Variants in ZKSCAN2 observed in about 807,000 individuals in gnomAD.
The protein encoded by ZKSCAN2 is zinc finger with KRAB and SCAN domains 2.
In ZKSCAN2, 38 loss-of-function variants were observed where a neutral mutation model predicts 90.5. That is an observed-to-expected ratio of 0.42 (90% CI 0.32 to 0.55). The LOEUF (loss-of-function observed/expected upper bound fraction) is 0.55. Ranked by LOEUF, ZKSCAN2 falls within the 20% of genes least tolerant of loss-of-function variation. The pLI is 0.11. For missense variants in ZKSCAN2, 1,167 were observed against 1,202.6 expected, an observed-to-expected ratio of 0.97 and a Z score of 0.44; for synonymous variants, 429 against 421.6, an observed-to-expected ratio of 1.02 and a Z score of -0.22.
At chr16:25,252,855 T>C (rs1308728016) in intron 3 of ZKSCAN2, 91 bp downstream of exon 3, 1 of 1,031,566 alleles carries the variant, frequency 9.7e-7, no homozygotes, top group Non-Finnish European at 1.5e-6. Flanking sequence ...GCAGAGGTGG[T>C]TGCAGTGAGC....
rs777968443 is a variant in ZKSCAN2, at chr16:25,237,374, T to C, written c.*2442A>G. The C allele has an allele frequency of 6.6e-5, 10 of 152,172 alleles. No individual in the cohort carries two copies. The highest frequency in any genetic ancestry group is 1.9e-4 in the African/African-American group (8 of 41,432). The allele number at this position is 152,172 out of a possible 1,614,324, so 9.4% of individuals were successfully genotyped here. A position where few individuals can be genotyped will look rare whatever the true frequency, so the allele number is the denominator to read the frequency against. On this transcript the variant is annotated 3_prime_UTR_variant, in exon 7 of 7. Transcript: ENST00000328086. Reference sequence around the variant, plus strand: ...GCCCATTTACAATTAGGAGTAGAGATAGGGGAACCCAAATTCCACCTCAGC... The same window carrying C: ...GCCCATTTACAATTAGGAGTAGAGACAGGGGAACCCAAATTCCACCTCAGC...
rs982879710 is a variant in ZKSCAN2, at chr16:25,239,238, C to T, written c.*578G>A. 6.7e-6 allele frequency: 1 copy of T among 149,294 alleles called. No individual in the cohort carries two copies. The highest frequency in any genetic ancestry group is 2.0e-4 in the East Asian group (1 of 5,076). 9.2% of individuals were successfully genotyped at this position (149,294 alleles called of 1,614,324 possible). A position where few individuals can be genotyped will look rare whatever the true frequency, so the allele number is the denominator to read the frequency against. ...TCAGTGACAATACAGGGATTCTGCC[C>T]TAGCTATTTGGATCAACTTCTTGAC... On this transcript the variant is annotated 3_prime_UTR_variant, in exon 7 of 7. Coordinates refer to ENST00000328086, the MANE Select transcript of ZKSCAN2 (RefSeq NM_001012981.5).
exon 1 of ZKSCAN2, chr16:25,257,833 CGCGGGGGGCGCTG>C (rs1458827527): frequency 6.7e-6 from 1 of 148,994 alleles, no homozygotes; most frequent in Non-Finnish European, 1.5e-5. Flanking sequence ...CCGCGGAGAG[CGCGGGGGGCGCTG>C]GGAACCGCAG....
intron 4 of ZKSCAN2, among the ~76,000 whole-genome samples, chr16:25,251,489 T>TTG (rs1041898140): frequency 6.6e-6 from 1 of 152,202 alleles, no homozygotes; most frequent in Non-Finnish European, 1.5e-5. Context: ...AAAGAGCTGT[T>TTG]AAGAACAGAA....
In ZKSCAN2 at chr16:25,255,206, C is replaced by G; in HGVS notation, c.586G>C (p.Ala196Pro). 6.3e-7 allele frequency: 1 copy of G among 1,599,072 alleles called. No individual in the cohort carries two copies. The highest frequency in any genetic ancestry group is 8.5e-7 in the Non-Finnish European group (1 of 1,175,116). ...KRERRPLPKN[A>P]RPSPWVPALA... is the part of the protein sequence containing the mutation. ...GCGTGCTCCGAGTCTTCCCTCTTAC[C>G]ATTCTTGGGTAAGGGCCGACGTTCT... The change falls in exon 2 of 7, where the codon GCT becomes CCT. Residue 196 changes from alanine to proline, a missense_variant and splice_region_variant. Ala to Pro is a conservative substitution (Grantham distance 27). Coordinates refer to ENST00000328086, the MANE Select transcript of ZKSCAN2 (RefSeq NM_001012981.5).
chr16:25,253,040 G>T lies in ZKSCAN2; in HGVS notation c.587-3C>A, dbSNP rs1567354257. On this transcript the variant is annotated splice_polypyrimidine_tract_variant and splice_region_variant and intron_variant, in intron 2 of 6. Coordinates refer to ENST00000328086, the MANE Select transcript of ZKSCAN2 (RefSeq NM_001012981.5). ...AGGAACCCAGGGAGAAGGCCGAGCT[G>T]TAAGAATAGAAAGAAACGATTAGTA... is the stretch of plus-strand genomic sequence containing the variant. 2 of 1,611,994 alleles carry T rather than the reference G, an allele frequency of 1.2e-6. No individual in the cohort carries two copies. Among genetic ancestry groups the T allele is most frequent in the African/African-American group, 1.3e-5 (1 of 75,024 alleles).
intron 2 of ZKSCAN2, among the ~76,000 whole-genome samples, chr16:25,253,651 T>C (rs770567620): frequency 3.9e-5 from 6 of 152,260 alleles, no homozygotes; most frequent in Non-Finnish European, 7.3e-5. Flanking sequence ...TGAGCACTAT[T>C]ATGCACTGGC....
intron 1 of ZKSCAN2, 102 bp from the exon 2 acceptor site, chr16:25,255,494 G>T: frequency 7.7e-7 from 1 of 1,306,574 alleles, no homozygotes; most frequent in Non-Finnish European, 1.0e-6. Flanking sequence ...ACATGAGAAG[G>T]AATGAAAATT....
intron 6 of ZKSCAN2, 47 bp from the exon 7 acceptor site, chr16:25,240,785 A>G (rs753286501): frequency 2.6e-6 from 4 of 1,520,514 alleles, no homozygotes; most frequent in Non-Finnish European, 3.6e-6. Flanking sequence ...TCTGATATTA[A>G]CCATAAACAA....
chr16:25,250,201 C>T (rs1227251537), intron 4 of ZKSCAN2, among the ~76,000 whole-genome samples: 3 of 151,620 alleles, frequency 2.0e-5, no homozygotes, highest in African/African-American at 4.8e-5. Flanking sequence ...TCCAGCTACT[C>T]GGGAGGCTGA....
Position 25,257,835 on chromosome 16 carries a change from C to CG in ZKSCAN2, c.-709dup, listed in dbSNP as rs896433729. On this transcript the variant is annotated 5_prime_UTR_variant, in exon 1 of 7. Coordinates refer to ENST00000328086, the MANE Select transcript of ZKSCAN2 (RefSeq NM_001012981.5). ...TCGTCCACTCGGCCCGCGGAGAGCG[C>CG]GGGGGGCGCTGGGAACCGCAGTCAC... is the stretch of plus-strand genomic sequence containing the variant. The CG allele has an allele frequency of 3.2e-3, 458 of 144,284 alleles. 1 individual carries two copies. The highest frequency in any genetic ancestry group is 5.3e-3 in the Non-Finnish European group (355 of 66,884). 8.9% of individuals were successfully genotyped at this position (144,284 alleles called of 1,614,324 possible).
At chr16:25,252,072 C>T (rs189655624) in intron 3 of ZKSCAN2, 37 bp from the exon 4 acceptor site, 216 of 1,608,560 alleles carry the variant, frequency 1.3e-4, no homozygotes, top group Non-Finnish European at 1.8e-4. Flanking sequence ...ACCAAGATAA[C>T]TGCACAGGTC....
Position 25,246,906 on chromosome 16 carries a change from G to C in ZKSCAN2, c.1290C>G (p.Ala430=). Reference sequence around the variant, plus strand: ...TTGGTTTATCAGTGGACGGAGCACGGGCTGCAGGGTTCAACAAAGCATCCA... The same window carrying C: ...TTGGTTTATCAGTGGACGGAGCACGCGCTGCAGGGTTCAACAAAGCATCCA... ...EDMDALLNPA[A]RAPSTDKPKE... is the part of the protein sequence containing the mutation. The change falls in exon 5 of 7, where the codon GCC becomes GCG. Residue 430 remains alanine, a synonymous_variant. Coordinates refer to ENST00000328086, the MANE Select transcript of ZKSCAN2 (RefSeq NM_001012981.5). 1.2e-6 allele frequency: 2 copies of C among 1,614,138 alleles called. No homozygotes were observed. The highest frequency in any genetic ancestry group is 1.7e-6 in the Non-Finnish European group (2 of 1,180,032).
chr16:25,250,753 A>G (rs115858227), intron 4 of ZKSCAN2, among the ~76,000 whole-genome samples: 3,155 of 152,248 alleles, frequency 0.021, 119 homozygotes, highest in African/African-American at 0.072. Context: ...ATTTGCATAT[A>G]TATACATATA....
chr16:25,252,517 AG>A (rs1210900419), intron 3 of ZKSCAN2, among the ~76,000 whole-genome samples: 1 of 152,108 alleles, frequency 6.6e-6, no homozygotes, highest in Non-Finnish European at 1.5e-5. Context: ...TAAAGGACTA[AG>A]GGGGAAATAC....
At position 25,246,847 on chromosome 16, in the gene ZKSCAN2, A is replaced by G. The variant is rs1015033012; in HGVS notation, c.1349T>C (p.Ile450Thr). Residue 450 changes from isoleucine (I) to threonine (T), a missense_variant, in exon 5 of 7, where the codon ATT becomes ACT. Transcript: ENST00000328086. Reference sequence around the variant, plus strand: ...GATGTGTTCCTTAGCACTGATGGCAATTCTCTTCAGTCTGGGGACAGGTAT... The same window carrying G: ...GATGTGTTCCTTAGCACTGATGGCAGTTCTCTTCAGTCTGGGGACAGGTAT... ...EMIPVPRLKR[I>T]AISAKEHISL... 5 of 1,614,060 alleles carry G rather than the reference A, an allele frequency of 3.1e-6. No individual in the cohort carries two copies. The African/African-American group carries it at 4.0e-5, about 13-fold the overall frequency.
intron 5 of ZKSCAN2, among the ~76,000 whole-genome samples, chr16:25,244,596 C>T (rs1471400605): frequency 6.6e-6 from 1 of 152,156 alleles, no homozygotes; most frequent in Admixed American, 6.5e-5. Context: ...AATCTCAAAG[C>T]TTATTTGGAA....
At position 25,236,408 on chromosome 16, in the gene ZKSCAN2, T is replaced by G. The variant is rs1333826652; in HGVS notation, c.*3408A>C. The G allele has an allele frequency of 6.6e-6, 1 of 152,324 alleles. No individual in the cohort carries two copies. The highest frequency in any genetic ancestry group is 1.5e-5 in the Non-Finnish European group (1 of 68,128). 9.4% of individuals were successfully genotyped at this position (152,324 alleles called of 1,614,324 possible). The stretch of plus-strand genomic sequence containing the variant: ...CCCTTTCCTGAAGCATGCGATGGAT[T>G]TGGTATGGCCAGATGTGGCAGGCAC... On this transcript the variant is annotated 3_prime_UTR_variant, in exon 7 of 7. Transcript: ENST00000328086.
chr16:25,256,939 G>T lies in ZKSCAN2; in HGVS notation c.189C>A (p.Phe63Leu), dbSNP rs747844460. Residue 63 changes from phenylalanine to leucine, a missense_variant, in exon 1 of 7, where the codon TTC (phenylalanine) becomes TTA (leucine). Physicochemically the swap from Phe to Leu is conservative, Grantham distance 22. Coordinates refer to ENST00000328086, the MANE Select transcript of ZKSCAN2 (RefSeq NM_001012981.5). Reference protein sequence around the residue: ...YEDVTGPHEAFSKLWELCCRW... With the variant: ...YEDVTGPHEALSKLWELCCRW... ...GGCAGCAAAGTTCCCAGAGTTTACT[G>T]AAAGCTTCATGGGGTCCAGTCACAT... The T allele has an allele frequency of 6.2e-6, 10 of 1,614,082 alleles. No individual in the cohort carries two copies. The highest frequency in any genetic ancestry group is 8.5e-6 in the Non-Finnish European group (10 of 1,180,038).
Sources: allele counts gnomAD v4.1 joint callset (sites outside exome capture counted in the v4.1 genomes callset), GRCh38; gene constraint gnomAD v4.1.1; transcripts MANE v1.5; gene names NCBI Gene and HGNC (gene_info 2026-07-23, HGNC 2026-07-21).